Variants in RIT2 observed in about 807,000 individuals in gnomAD.
The protein encoded by RIT2 is GTP-binding protein Rit2.
Under a neutral mutation model 23.7 loss-of-function variants are expected in RIT2, and 24 were observed. The observed-to-expected ratio is 1.01, with a 90% CI of 0.73 to 1.43. The LOEUF (loss-of-function observed/expected upper bound fraction) is 1.43, where lower values mean the gene tolerates loss of function less well. RIT2 is among the 40% of genes most tolerant of loss of function. The pLI is 0.00. For synonymous variants in RIT2, 107 were observed against 91.1 expected (o/e 1.17, Z -0.99); for missense variants, 236 against 266.9 (o/e 0.88, Z 0.81).
At chr18:42,787,937 ATTTAT>A (rs1321669882) in intron 4 of RIT2, among the ~76,000 whole-genome samples, 1 of 151,688 alleles carries the variant, frequency 6.6e-6, no homozygotes, top group Admixed American at 6.6e-5. Flanking sequence ...TTTAAAATAA[ATTTAT>A]TTTAATTTAG....
At chr18:42,968,170 T>C (rs769344153) in intron 3 of RIT2, among the ~76,000 whole-genome samples, 5 of 152,202 alleles carry the variant, frequency 3.3e-5, no homozygotes, top group Admixed American at 6.5e-5. Context: ...TGACTGGCTT[T>C]TCAACTATGC....
intron 4 of RIT2, among the ~76,000 whole-genome samples, chr18:42,748,105 C>T (rs1260701523): frequency 6.6e-6 from 1 of 151,960 alleles, no homozygotes; most frequent in East Asian, 1.9e-4. Context: ...AATGAACAAC[C>T]CACAGAGTGG....
chr18:42,974,181 G>GT, intron 2 of RIT2, 34 bp from the exon 3 acceptor site: 17 of 1,450,626 alleles, frequency 1.2e-5, no homozygotes, highest in Non-Finnish European at 1.5e-5. Context: ...ACATTTAAAT[G>GT]TGACAGGAAA....
intron 4 of RIT2, among the ~76,000 whole-genome samples, chr18:42,747,875 A>G (rs1912955300): frequency 6.6e-6 from 1 of 152,098 alleles, no homozygotes; most frequent in Non-Finnish European, 1.5e-5. Flanking sequence ...CTCACCTTAT[A>G]CAAAAATCAA....
chr18:43,096,224 C>T (rs911524072), intron 1 of RIT2, among the ~76,000 whole-genome samples: 7 of 151,860 alleles, frequency 4.6e-5, no homozygotes, highest in Non-Finnish European at 1.0e-4. Context: ...AGATTAGCAC[C>T]AGCACACCAG....
chr18:43,029,617 A>G (rs1911809143), intron 2 of RIT2, among the ~76,000 whole-genome samples: 1 of 151,996 alleles, frequency 6.6e-6, no homozygotes, highest in Admixed American at 6.6e-5. Context: ...CAGCTCTCAG[A>G]GATAATGAAA....
At chr18:42,866,857 AT>A (rs1260520440) in intron 4 of RIT2, among the ~76,000 whole-genome samples, 1 of 152,216 alleles carries the variant, frequency 6.6e-6, no homozygotes, top group East Asian at 1.9e-4. Flanking sequence ...AAAAGTCCTC[AT>A]TATAGAGTCA....
intron 4 of RIT2, among the ~76,000 whole-genome samples, chr18:42,794,755 G>A (rs1468073995): frequency 6.6e-6 from 1 of 152,170 alleles, no homozygotes; most frequent in Non-Finnish European, 1.5e-5. Context: ...TTCATATTAT[G>A]CAGTAAAAGC....
intron 4 of RIT2, among the ~76,000 whole-genome samples, chr18:42,802,974 C>T (rs1478194568): frequency 6.6e-6 from 1 of 152,056 alleles, no homozygotes; most frequent in East Asian, 1.9e-4. Context: ...AATGGCTCTG[C>T]CCTCTACCAG....
intron 4 of RIT2, among the ~76,000 whole-genome samples, chr18:42,832,548 T>C (rs546083306): frequency 6.6e-6 from 1 of 152,356 alleles, no homozygotes; most frequent in African/African-American, 2.4e-5. Context: ...TTTCTATTGA[T>C]GTACAATTTT....
At chr18:42,804,815 G>T (rs781655023) in intron 4 of RIT2, among the ~76,000 whole-genome samples, 1 of 152,030 alleles carries the variant, frequency 6.6e-6, no homozygotes. Context: ...TAATTTGCAG[G>T]CATAAATTTT....
chr18:43,062,339 G>A (rs534042253), intron 1 of RIT2, among the ~76,000 whole-genome samples: 1 of 152,160 alleles, frequency 6.6e-6, no homozygotes, highest in Non-Finnish European at 1.5e-5. Flanking sequence ...CTTAAGATGG[G>A]CAGCTGTGAC....
At chr18:42,965,644 T>C (rs139038242) in intron 3 of RIT2, among the ~76,000 whole-genome samples, 34 of 144,704 alleles carry the variant, frequency 2.3e-4, no homozygotes, top group African/African-American at 8.7e-4. Flanking sequence ...GTGCAAAATA[T>C]CGTAAAGGAT....
At chr18:43,024,935 C>T (rs1473963931) in intron 2 of RIT2, among the ~76,000 whole-genome samples, 4 of 151,898 alleles carry the variant, frequency 2.6e-5, no homozygotes, top group African/African-American at 7.3e-5. Flanking sequence ...AGGCCGGGTG[C>T]GGTGGCTCAT....
At chr18:43,068,127 TG>T (rs1157300048) in intron 1 of RIT2, among the ~76,000 whole-genome samples, 3 of 152,174 alleles carry the variant, frequency 2.0e-5, no homozygotes, top group Non-Finnish European at 4.4e-5. Flanking sequence ...ACCAATGTGA[TG>T]AGGATGTATA....
chr18:42,990,741 A>T (rs1353441198), intron 2 of RIT2, among the ~76,000 whole-genome samples: 2 of 152,060 alleles, frequency 1.3e-5, no homozygotes, highest in Admixed American at 6.6e-5. Flanking sequence ...TTCAGTTGTG[A>T]TGCTTATTTA....
intron 3 of RIT2, among the ~76,000 whole-genome samples, chr18:42,937,245 C>G (rs1909483117): frequency 6.6e-6 from 1 of 152,118 alleles, no homozygotes; most frequent in African/African-American, 2.4e-5. Context: ...GCAATACTAG[C>G]TATATTGTTA....
At position 43,098,783 on chromosome 18, in the gene RIT2, C is replaced by T. The variant is rs535042617; in HGVS notation, c.103+16634G>A. On this transcript the variant is annotated intron_variant, in intron 1 of 4. Transcript: ENST00000326695. ...ACAAGAAAACCAAGATTCAAAGATGCTGAGTGATATGCCCATGATCACAAC... is the reference window on the plus strand; with the variant it reads ...ACAAGAAAACCAAGATTCAAAGATGTTGAGTGATATGCCCATGATCACAAC... Among the ~76,000 whole-genome samples the T allele has an allele frequency of 2.6e-5, 4 of 152,104 alleles. No homozygotes were observed. The South Asian group carries it at 8.3e-4, about 32-fold the overall frequency.
chr18:42,803,860 T>C (rs1239024422), intron 4 of RIT2, among the ~76,000 whole-genome samples: 1 of 152,216 alleles, frequency 6.6e-6, no homozygotes, highest in Non-Finnish European at 1.5e-5. Flanking sequence ...ATATGTTTCC[T>C]CTTTAAGAAA....
Sources: allele counts gnomAD v4.1 joint callset (sites outside exome capture counted in the v4.1 genomes callset), GRCh38; gene constraint gnomAD v4.1.1; transcripts MANE v1.5; gene names NCBI Gene and HGNC (gene_info 2026-07-23, HGNC 2026-07-21).